The following RAB40B variants were observed in gnomAD, a reference collection of about 807,000 sequenced individuals.
RAB40B encodes the protein RAB40B, member RAS oncogene family, also known as ras-related protein Rab-40B.
RAB40B carries 21 observed loss-of-function variants against 24.0 expected under a neutral mutation model. The ratio of observed to expected loss-of-function variants is 0.88; its 90% CI spans 0.62 to 1.26. The LOEUF (loss-of-function observed/expected upper bound fraction) is 1.26, where lower values mean the gene tolerates loss of function less well. Ranked by LOEUF, RAB40B falls within the 50% of genes most tolerant of loss-of-function variation. RAB40B has a pLI of 0.00. For synonymous variants in RAB40B, 167 were observed against 169.8 expected (o/e 0.98, Z 0.13); for missense variants, 348 against 390.5 (o/e 0.89, Z 0.92).
intron 1 of RAB40B, among the ~76,000 whole-genome samples, chr17:82,685,269 A>C: frequency 8.1e-6 from 1 of 123,010 alleles, no homozygotes; most frequent in South Asian, 2.9e-4. Context: ...GTGGGCCAGA[A>C]GGGAAAAGGA....
rs200686541 is a variant in RAB40B at position 82,689,968 on chromosome 17, A to AG, written c.142+8486_142+8487insC. On this transcript the variant is annotated intron_variant, in intron 1 of 5. Coordinates refer to ENST00000571995, the MANE Select transcript of RAB40B (RefSeq NM_006822.3). Reference sequence around the variant, plus strand: ...GGTGACAGAGCAAAACTTCATCTCAAAAAAAAAAAAAAAGAAGTAGAAAAC... The same window carrying AG: ...GGTGACAGAGCAAAACTTCATCTCAAGAAAAAAAAAAAAAGAAGTAGAAAAC... Among the ~76,000 whole-genome samples the AG allele has an allele frequency of 1.6e-4, 24 of 150,648 alleles. 1 individual carries two copies. The East Asian group carries it at 4.3e-3, about 27-fold the overall frequency.
intron 1 of RAB40B, among the ~76,000 whole-genome samples, chr17:82,666,890 C>A (rs1229831057): frequency 6.6e-6 from 1 of 152,204 alleles, no homozygotes; most frequent in Admixed American, 6.5e-5. Context: ...CTACAAGAGA[C>A]AAGCCCTGGC....
rs868554862 is a variant in RAB40B, at chr17:82,697,586, G to A, written c.142+869C>T. On this transcript the variant is annotated intron_variant, in intron 1 of 5. Transcript: ENST00000571995. The surrounding 1 kb of genome is among the most constrained non-coding windows in gnomAD (Gnocchi z 4.9). ...CTTCCACAGCCTCAGGGTCGGCCTC[G>A]TCCAAGCTGTTCCAGGGATGCGCGT... Among the ~76,000 whole-genome samples the A allele has an allele frequency of 1.3e-5, 2 of 152,208 alleles. No individual in the cohort carries two copies. The highest frequency in any genetic ancestry group is 1.9e-4 in the East Asian group (1 of 5,186).
chr17:82,688,118 G>A (rs1287841022), intron 1 of RAB40B, among the ~76,000 whole-genome samples: 4 of 152,018 alleles, frequency 2.6e-5, no homozygotes, highest in Admixed American at 2.0e-4. Context: ...GGTGCTGAGC[G>A]TCCATCAGTC....
intron 1 of RAB40B, among the ~76,000 whole-genome samples, chr17:82,690,441 G>A (rs1322058845): frequency 1.5e-5 from 2 of 134,188 alleles, no homozygotes; most frequent in African/African-American, 6.6e-5. Context: ...CGTGTGTCCA[G>A]GAGAAGATCT....
intron 1 of RAB40B, among the ~76,000 whole-genome samples, chr17:82,672,216 CT>C (rs146232021): frequency 7.2e-5 from 6 of 82,852 alleles, no homozygotes; most frequent in South Asian, 5.2e-4. Context: ...CACCCCACCC[CT>C]GTAACTCTAA....
chr17:82,658,584 G>A lies in RAB40B; in HGVS notation c.472C>T (p.Leu158=), dbSNP rs2046117657. The A allele has an allele frequency of 6.2e-7, 1 of 1,613,426 alleles. No individual in the cohort carries two copies. Among genetic ancestry groups the A allele is most frequent in the Non-Finnish European group, 8.5e-7 (1 of 1,180,002 alleles). ...LGVTFFEVSP[L]CNFNITESFT... ...GACTCTGTGATGTTGAAATTGCACA[G>A]AGGGCTGACCTCAAAGAAGGTCACG... The change falls in exon 5 of 6, where the codon CTG becomes TTG. Residue 158 remains leucine, a synonymous_variant. Coordinates refer to ENST00000571995, the MANE Select transcript of RAB40B (RefSeq NM_006822.3).
intron 3 of RAB40B, 129 bp downstream of exon 3, chr17:82,660,858 A>G: frequency 4.2e-6 from 5 of 1,198,544 alleles, no homozygotes; most frequent in East Asian, 2.6e-5. Context: ...TTAGACTCTC[A>G]GCACCAATTT....
At chr17:82,695,906 C>T (rs933007172) in intron 1 of RAB40B, among the ~76,000 whole-genome samples, 16 of 151,876 alleles carry the variant, frequency 1.1e-4, no homozygotes, top group Admixed American at 3.9e-4. Context: ...GACAGAATTT[C>T]GCTCTTGTTG....
intron 1 of RAB40B, among the ~76,000 whole-genome samples, chr17:82,682,411 A>G (rs1315675045): frequency 1.2e-4 from 18 of 152,232 alleles, no homozygotes; most frequent in Non-Finnish European, 4.4e-5. Flanking sequence ...AAGGAATCAA[A>G]GAAGACCTAA....
At chr17:82,682,928 A>C (rs1044389837) in intron 1 of RAB40B, among the ~76,000 whole-genome samples, 1 of 152,190 alleles carries the variant, frequency 6.6e-6, no homozygotes, top group African/African-American at 2.4e-5. Flanking sequence ...GCAGATCATG[A>C]GGTCAGGAGA....
chr17:82,657,460 T>G lies in RAB40B; in HGVS notation c.*403A>C. On this transcript the variant is annotated 3_prime_UTR_variant, in exon 6 of 6. Transcript: ENST00000571995. ...GTTTACAAAAAGACCCCTCTCGTAA[T>G]ATCAGTGACTCTAAATTATCCCGCT... 1 of 343,142 alleles carries G rather than the reference T, an allele frequency of 2.9e-6. No individual in the cohort carries two copies. The highest frequency in any genetic ancestry group is 5.6e-6 in the Non-Finnish European group (1 of 177,434). 21.3% of individuals were successfully genotyped at this position (343,142 alleles called of 1,614,324 possible). A position where few individuals can be genotyped will look rare whatever the true frequency, so the allele number is the denominator to read the frequency against.
At position 82,682,532 on chromosome 17, in the gene RAB40B, C is replaced by T. The variant is rs189548151; in HGVS notation, c.142+15923G>A. Among the ~76,000 whole-genome samples the T allele has an allele frequency of 7.9e-5, 12 of 152,304 alleles. No homozygotes were observed. In the East Asian group the frequency reaches 2.3e-3, roughly 29 times the overall value. ...GTCCCAATCAAAAATCCTAGCAGGACTTTTCTTGGTAGAAATCAACAAAGC... is the reference window on the plus strand; with the variant it reads ...GTCCCAATCAAAAATCCTAGCAGGATTTTTCTTGGTAGAAATCAACAAAGC... On this transcript the variant is annotated intron_variant, in intron 1 of 5. Coordinates refer to ENST00000571995, the MANE Select transcript of RAB40B (RefSeq NM_006822.3).
intron 1 of RAB40B, among the ~76,000 whole-genome samples, chr17:82,670,373 C>T (rs1317160714): frequency 5.9e-5 from 9 of 151,824 alleles, no homozygotes; most frequent in Non-Finnish European, 1.3e-4. Context: ...TTAGTAGACA[C>T]GGGGTTTTAC....
intron 1 of RAB40B, among the ~76,000 whole-genome samples, chr17:82,686,975 GA>G (rs2046508853): frequency 1.3e-5 from 2 of 151,924 alleles, no homozygotes; most frequent in African/African-American, 4.8e-5. Flanking sequence ...GTGCTGGGGG[GA>G]AGGAGGCTCA....
chr17:82,667,773 C>T lies in RAB40B; in HGVS notation c.143-3217G>A, dbSNP rs1309875363. Among the ~76,000 whole-genome samples, 6 of 152,192 alleles carry T rather than the reference C, an allele frequency of 3.9e-5. No individual in the cohort carries two copies. The highest frequency in any genetic ancestry group is 2.1e-4 in the South Asian group (1 of 4,832). Reference sequence around the variant, plus strand: ...CAGCACTGAGAACGCCCGAAGCACCCGCTTTGCAGACGCCACCTGCCCCGT... The same window carrying T: ...CAGCACTGAGAACGCCCGAAGCACCTGCTTTGCAGACGCCACCTGCCCCGT... On this transcript the variant is annotated intron_variant, in intron 1 of 5. Coordinates refer to ENST00000571995, the MANE Select transcript of RAB40B (RefSeq NM_006822.3). This position sits in a 1 kb window ranked among gnomAD's most constrained non-coding sequence, Gnocchi z 4.3.
At chr17:82,671,544 G>A (rs868747265) in intron 1 of RAB40B, among the ~76,000 whole-genome samples, 166 of 135,830 alleles carry the variant, frequency 1.2e-3, no homozygotes, top group African/African-American at 4.1e-3. Flanking sequence ...ACACTCACAC[G>A]CTCCCTGTAC....
chr17:82,662,028 C>T (rs1479927430), intron 2 of RAB40B: 4 of 985,338 alleles, frequency 4.1e-6, no homozygotes, highest in African/African-American at 1.7e-5. Flanking sequence ...ACACCTACAT[C>T]AATGGGAGAT....
At chr17:82,662,769 A>C in intron 2 of RAB40B, 1 of 985,274 alleles carries the variant, frequency 1.0e-6, no homozygotes, top group Non-Finnish European at 1.2e-6. Flanking sequence ...GAAAAGTGTG[A>C]GGGTGACTGT....
Sources: gnomAD v4.1 joint callset for allele counts (sites outside exome capture counted in the v4.1 genomes callset) on GRCh38, gnomAD v4.1.1 for gene constraint, Gnocchi (gnomAD v3.1) non-coding constraint, MANE v1.5 for transcripts, NCBI Gene and HGNC (gene_info 2026-07-23, HGNC 2026-07-21) for gene names.